The following SDK1 variants were observed in gnomAD, a reference collection of about 807,000 sequenced individuals.
SDK1 encodes sidekick cell adhesion molecule 1.
Under a neutral mutation model 245.5 loss-of-function variants are expected in SDK1, and 157 were observed. That is an observed-to-expected ratio of 0.64 (90% CI 0.56 to 0.73). SDK1 has a LOEUF of 0.73. SDK1 is among the 30% of genes least tolerant of loss of function. The pLI, the probability that SDK1 is intolerant of heterozygous loss-of-function variation, is 0.00. For missense variants in SDK1, 3,583 were observed against 3,002.3 expected (o/e 1.19, Z -4.52); for synonymous variants, 1,647 against 1,278.5 (o/e 1.29, Z -6.15).
chr7:4,209,614 G>A (rs1040989442), intron 37 of SDK1, among the ~76,000 whole-genome samples: 1 of 152,176 alleles, frequency 6.6e-6, no homozygotes, highest in African/African-American at 2.4e-5. Flanking sequence ...GGAGAGGCGA[G>A]GAGGGGTCAA....
chr7:4,116,617 A>T (rs6965326), intron 25 of SDK1, among the ~76,000 whole-genome samples: 2 of 152,314 alleles, frequency 1.3e-5, no homozygotes, highest in African/African-American at 4.8e-5. Flanking sequence ...AATGCTGGTT[A>T]ACTTTCAGCC....
At chr7:3,596,612 T>C (rs999156029) in intron 1 of SDK1, among the ~76,000 whole-genome samples, 1 of 152,178 alleles carries the variant, frequency 6.6e-6, no homozygotes, top group Non-Finnish European at 1.5e-5. Flanking sequence ...TTCCAATTAA[T>C]CTCCATCCCT....
At chr7:3,722,076 C>T (rs1160299680) in intron 4 of SDK1, among the ~76,000 whole-genome samples, 1 of 152,032 alleles carries the variant, frequency 6.6e-6, no homozygotes, top group Admixed American at 6.5e-5. Context: ...GCCAGGGTTT[C>T]ACCATGTTAC....
chr7:4,223,111 C>T (rs1244559244), intron 40 of SDK1, among the ~76,000 whole-genome samples: 1 of 151,230 alleles, frequency 6.6e-6, no homozygotes. Flanking sequence ...TTCTAGAAGG[C>T]ACTTGTAACT....
chr7:3,471,608 C>T (rs1781184742), intron 1 of SDK1, among the ~76,000 whole-genome samples: 1 of 152,096 alleles, frequency 6.6e-6, no homozygotes, highest in African/African-American at 2.4e-5. Flanking sequence ...TTCAGTTTGG[C>T]TCAGATGTTT....
chr7:3,675,561 T>C (rs1354234378), intron 4 of SDK1, among the ~76,000 whole-genome samples: 1 of 13,584 alleles, frequency 7.4e-5, no homozygotes, highest in East Asian at 2.6e-3. Context: ...CTACTCCTTT[T>C]TGTTTGTTTG....
chr7:3,672,790 TATATAA>T (rs1158414442), intron 4 of SDK1, among the ~76,000 whole-genome samples: 1,647 of 100,788 alleles, frequency 0.016, 194 homozygotes, highest in Non-Finnish European at 0.023. Flanking sequence ...TATATATATA[TATATAA>T]AAAATACAGA....
intron 38 of SDK1, among the ~76,000 whole-genome samples, chr7:4,215,112 C>G (rs1391755340): frequency 6.6e-6 from 1 of 152,228 alleles, no homozygotes; most frequent in Non-Finnish European, 1.5e-5. Flanking sequence ...CCCTGGCTCG[C>G]CGAGACACTA....
chr7:3,869,766 T>C (rs1274436820), intron 5 of SDK1, among the ~76,000 whole-genome samples: 1 of 152,252 alleles, frequency 6.6e-6, no homozygotes, highest in Non-Finnish European at 1.5e-5. Flanking sequence ...CACATGGAGA[T>C]GTCTTACTAC....
chr7:3,882,371 C>T (rs1583508520), intron 5 of SDK1, among the ~76,000 whole-genome samples: 1 of 152,284 alleles, frequency 6.6e-6, no homozygotes, highest in East Asian at 1.9e-4. Flanking sequence ...TGGGCAGAGT[C>T]AAGGTCAATG....
chr7:3,987,173 C>G lies in SDK1; in HGVS notation c.1995-13C>G, dbSNP rs1414084708. Reference sequence around the variant, plus strand: ...GTTTTCCTCTTTTTCCTTTTCATCCCATTCAATTCAAGTGAACTGCCTCAT... The same window carrying G: ...GTTTTCCTCTTTTTCCTTTTCATCCGATTCAATTCAAGTGAACTGCCTCAT... On this transcript the variant is annotated splice_polypyrimidine_tract_variant and intron_variant, in intron 13 of 44. Coordinates refer to ENST00000404826, the MANE Select transcript of SDK1 (RefSeq NM_152744.4). The G allele has an allele frequency of 5.6e-6, 9 of 1,613,064 alleles. No individual in the cohort carries two copies. The highest frequency in any genetic ancestry group is 1.3e-5 in the African/African-American group (1 of 74,844).
At chr7:3,948,251 CTT>C (rs34746302) in intron 5 of SDK1, among the ~76,000 whole-genome samples, 7 of 79,650 alleles carry the variant, frequency 8.8e-5, no homozygotes, top group African/African-American at 2.7e-4. Context: ...ATCACCATTG[CTT>C]TTTTTTTTTT....
At chr7:3,465,290 A>G (rs1047782579) in intron 1 of SDK1, among the ~76,000 whole-genome samples, 1 of 152,224 alleles carries the variant, frequency 6.6e-6, no homozygotes, top group African/African-American at 2.4e-5. Context: ...TCTAGAGGTC[A>G]TCATAATTCT....
intron 22 of SDK1, among the ~76,000 whole-genome samples, chr7:4,093,183 G>C (rs1383847376): frequency 6.6e-6 from 1 of 151,910 alleles, no homozygotes; most frequent in East Asian, 1.9e-4. Context: ...AGTAACCTTT[G>C]ACTGTAGAGT....
rs201144297 is a variant in SDK1, at chr7:4,197,298, G to GA, written c.5099-8571dup. ...AGCAATGTAGCAAGACCTCATCTCT[G>GA]AAAAAAAAAAGAAAAAGAAAAGAAA... On this transcript the variant is annotated intron_variant, in intron 35 of 44. Coordinates refer to ENST00000404826, the MANE Select transcript of SDK1 (RefSeq NM_152744.4). Among the ~76,000 whole-genome samples the GA allele has an allele frequency of 2.2e-3, 272 of 123,976 alleles. 1 individual carries two copies. The highest frequency in any genetic ancestry group is 3.8e-3 in the Middle Eastern group (1 of 262). 81.3% of individuals were successfully genotyped at this position (123,976 alleles called of 152,430 possible).
intron 1 of SDK1, among the ~76,000 whole-genome samples, chr7:3,473,957 C>A (rs1781262783): frequency 6.6e-6 from 1 of 152,010 alleles, no homozygotes; most frequent in Non-Finnish European, 1.5e-5. Context: ...GCTGAAAGAC[C>A]AATCCTTTCA....
chr7:4,000,468 G>A (rs2128144131), intron 14 of SDK1, among the ~76,000 whole-genome samples: 1 of 152,260 alleles, frequency 6.6e-6, no homozygotes, highest in South Asian at 2.1e-4. Flanking sequence ...ATCTTTGCAG[G>A]AGAGGTTCTT....
At chr7:3,361,937 T>A (rs1780964028) in intron 1 of SDK1, among the ~76,000 whole-genome samples, 1 of 152,212 alleles carries the variant, frequency 6.6e-6, no homozygotes, top group Admixed American at 6.5e-5. Context: ...GCAGATTACA[T>A]TTTCAGTGGC....
At chr7:3,891,828 C>G (rs1216142165) in intron 5 of SDK1, among the ~76,000 whole-genome samples, 1 of 152,186 alleles carries the variant, frequency 6.6e-6, no homozygotes, top group Non-Finnish European at 1.5e-5. Flanking sequence ...AATTGCTTCA[C>G]TTTAAAATCC....
Sources: allele counts gnomAD v4.1 joint callset (sites outside exome capture counted in the v4.1 genomes callset), GRCh38; gene constraint gnomAD v4.1.1; transcripts MANE v1.5; gene names NCBI Gene and HGNC (gene_info 2026-07-23, HGNC 2026-07-21).